The following UPF2 variants were observed in gnomAD, a reference collection of about 807,000 sequenced individuals.
UPF2 encodes regulator of nonsense transcripts 2.
A neutral mutation model predicts 141.4 loss-of-function variants in UPF2; 17 were observed. The observed-to-expected ratio is 0.12, with a 90% CI of 0.08 to 0.18. The LOEUF (loss-of-function observed/expected upper bound fraction) is 0.18. UPF2 is among the 10% of genes least tolerant of loss of function. The pLI is 1.00. For missense variants in UPF2, 1,152 were observed against 1,515.9 expected (o/e 0.76, Z 3.99); for synonymous variants, 540 against 498.0 (o/e 1.08, Z -1.12).
At chr10:11,941,475 T>TA (rs1832935334) in intron 18 of UPF2, among the ~76,000 whole-genome samples, 2 of 152,132 alleles carry the variant, frequency 1.3e-5, no homozygotes, top group Non-Finnish European at 2.9e-5. Context: ...CCTTTGGCTG[T>TA]AGCAGCATCA....
rs538446304 is a variant in UPF2, at chr10:11,936,273, G to A, written c.3546+272C>T. 6.6e-6 allele frequency among the ~76,000 whole-genome samples: 1 copy of A among 152,178 alleles called. No individual in the cohort carries two copies. Among genetic ancestry groups the A allele is most frequent in the East Asian group, 1.9e-4 (1 of 5,172 alleles). On this transcript the variant is annotated intron_variant, in intron 19 of 21. Coordinates refer to ENST00000357604, the MANE Select transcript of UPF2 (RefSeq NM_015542.4). The surrounding 1 kb of genome is among the most constrained non-coding windows in gnomAD (Gnocchi z 6.6). ...TAATCCCAGCTACTCAGGAGGCTGA[G>A]GCAGAAGAATCGTTTGAACCTGGGA... is the stretch of plus-strand genomic sequence containing the variant.
rs188458537 is a variant in UPF2, at chr10:11,985,862, C to T, written c.1845-6697G>A. On this transcript the variant is annotated intron_variant, in intron 8 of 21. Coordinates refer to ENST00000357604, the MANE Select transcript of UPF2 (RefSeq NM_015542.4). ...ATCTAATTTGAGTGTTGAAAAGCAA[C>T]TGAAAAATAATTAGATCCTTCCTTT... 6.2e-3 allele frequency among the ~76,000 whole-genome samples: 858 copies of T among 139,226 alleles called. 4 individuals carry two copies. Among genetic ancestry groups the T allele is most frequent in the Non-Finnish European group, 8.7e-3 (574 of 65,932 alleles). 91.3% of individuals were successfully genotyped at this position (139,226 alleles called of 152,430 possible).
intron 18 of UPF2, among the ~76,000 whole-genome samples, chr10:11,938,630 A>G (rs1028235481): frequency 1.3e-5 from 2 of 149,536 alleles, no homozygotes; most frequent in Non-Finnish European, 3.0e-5. Context: ...TTTTGCCATT[A>G]CCTTTCACAC....
intron 8 of UPF2, among the ~76,000 whole-genome samples, chr10:11,996,715 C>T (rs1833870218): frequency 6.6e-6 from 1 of 152,116 alleles, no homozygotes; most frequent in South Asian, 2.1e-4. Flanking sequence ...TCTTAATTAC[C>T]TACTCACTAC....
chr10:11,922,926 T>C (rs376039292), intron 21 of UPF2, among the ~76,000 whole-genome samples: 1 of 152,050 alleles, frequency 6.6e-6, no homozygotes, highest in East Asian at 1.9e-4. Context: ...TAGTCCCAGA[T>C]ACTGAGAGGC....
In UPF2 at chr10:11,988,332, T is replaced by G. The variant is rs191179851; in HGVS notation, c.1845-9167A>C. On this transcript the variant is annotated intron_variant, in intron 8 of 21. Coordinates refer to ENST00000357604, the MANE Select transcript of UPF2 (RefSeq NM_015542.4). ...ATTTTTGTAATTTTTGTAATTTTCTTAGAGACAGAGTCTCACTGTCACCCA... is the reference window on the plus strand; with the variant it reads ...ATTTTTGTAATTTTTGTAATTTTCTGAGAGACAGAGTCTCACTGTCACCCA... Among the ~76,000 whole-genome samples the G allele has an allele frequency of 2.8e-3, 431 of 152,346 alleles. 3 individuals are homozygous for G. Among genetic ancestry groups the G allele is most frequent in the Non-Finnish European group, 4.7e-3 (323 of 68,030 alleles).
rs969888604 is a variant in UPF2, at chr10:11,959,965, G to T, written c.2185-609C>A. ...AAGGTAACTTCTTTCATAACTTTGTGTCTAGGGTTGCTCAGTATCAGCTCA... is the reference window on the plus strand; with the variant it reads ...AAGGTAACTTCTTTCATAACTTTGTTTCTAGGGTTGCTCAGTATCAGCTCA... On this transcript the variant is annotated intron_variant, in intron 11 of 21. Coordinates refer to ENST00000357604, the MANE Select transcript of UPF2 (RefSeq NM_015542.4). This position sits in a 1 kb window ranked among gnomAD's most constrained non-coding sequence, Gnocchi z 5.9. 6.6e-6 allele frequency among the ~76,000 whole-genome samples: 1 copy of T among 152,186 alleles called. No homozygotes were observed. Among genetic ancestry groups the T allele is most frequent in the Non-Finnish European group, 1.5e-5 (1 of 68,030 alleles).
At chr10:11,955,070 A>G (rs1404533134) in intron 14 of UPF2, among the ~76,000 whole-genome samples, 162 bp downstream of exon 14, 1 of 152,090 alleles carries the variant, frequency 6.6e-6, no homozygotes. Flanking sequence ...AATCCATCAT[A>G]TATCTTTAAA....
At chr10:12,000,069 T>A in intron 6 of UPF2, 60 bp from the exon 7 acceptor site, 4 of 1,372,110 alleles carry the variant, frequency 2.9e-6, no homozygotes, top group Non-Finnish European at 4.0e-6. Context: ...AATAAAAACA[T>A]CCAATGATGA....
At chr10:12,000,261 A>G (rs1320521269) in intron 6 of UPF2, among the ~76,000 whole-genome samples, 1 of 152,224 alleles carries the variant, frequency 6.6e-6, no homozygotes, top group South Asian at 2.1e-4. Context: ...ACTTGGTCAG[A>G]AAAAGCATGC....
chr10:11,945,176 T>C (rs941248550), intron 16 of UPF2, among the ~76,000 whole-genome samples: 4 of 152,238 alleles, frequency 2.6e-5, no homozygotes, highest in Admixed American at 2.6e-4. Context: ...TAAACAGTTA[T>C]CTTTAACTTA....
chr10:12,000,491 G>C (rs756827504), intron 6 of UPF2, among the ~76,000 whole-genome samples: 1 of 152,170 alleles, frequency 6.6e-6, no homozygotes. Context: ...TTCTAATAAA[G>C]AATCTTGGCC....
intron 6 of UPF2, among the ~76,000 whole-genome samples, chr10:12,001,080 C>A (rs537716845): frequency 6.6e-6 from 1 of 152,094 alleles, no homozygotes; most frequent in East Asian, 1.9e-4. Flanking sequence ...GTGTAAGTAT[C>A]TTTATTCTAT....
chr10:12,007,660 C>G (rs1293792395), intron 4 of UPF2, among the ~76,000 whole-genome samples: 1 of 151,810 alleles, frequency 6.6e-6, no homozygotes, highest in Non-Finnish European at 1.5e-5. Context: ...GAAACCCCGT[C>G]TCTACTAAAA....
chr10:11,974,318 T>G (rs1022387968), intron 9 of UPF2, among the ~76,000 whole-genome samples: 6 of 152,198 alleles, frequency 3.9e-5, no homozygotes, highest in African/African-American at 1.4e-4. Flanking sequence ...TCATGTCATC[T>G]GCAAACAGGG....
At position 11,939,932 on chromosome 10, in the gene UPF2, C is replaced by T. The variant is rs1832916584; in HGVS notation, c.3378+2733G>A. On this transcript the variant is annotated intron_variant, in intron 18 of 21. Coordinates refer to ENST00000357604, the MANE Select transcript of UPF2 (RefSeq NM_015542.4). The surrounding 1 kb of genome is among the most constrained non-coding windows in gnomAD (Gnocchi z 4.8). Reference sequence around the variant, plus strand: ...TTAAATTCATTCTGCATTGATCTCCCTGCTCTTCTCTTTCCCTTGGAAAAA... The same window carrying T: ...TTAAATTCATTCTGCATTGATCTCCTTGCTCTTCTCTTTCCCTTGGAAAAA... Among the ~76,000 whole-genome samples the T allele has an allele frequency of 6.6e-6, 1 of 152,150 alleles. No individual in the cohort carries two copies. Among genetic ancestry groups the T allele is most frequent in the South Asian group, 2.1e-4 (1 of 4,828 alleles).
intron 8 of UPF2, among the ~76,000 whole-genome samples, chr10:11,985,513 T>C (rs991731570): frequency 6.6e-6 from 1 of 151,266 alleles, no homozygotes; most frequent in East Asian, 2.0e-4. Context: ...GGAGGGCGCC[T>C]GTAGTCCCAG....
chr10:11,923,689 AT>A (rs1161107093), intron 21 of UPF2, among the ~76,000 whole-genome samples: 8 of 138,142 alleles, frequency 5.8e-5, no homozygotes, highest in Admixed American at 5.0e-4. Flanking sequence ...AAAAAAAAAA[AT>A]TAGCTGGGCG....
rs921784996 is a variant in UPF2 at position 11,992,873 on chromosome 10, C to T, written c.1844+4799G>A. On this transcript the variant is annotated intron_variant, in intron 8 of 21. Coordinates refer to ENST00000357604, the MANE Select transcript of UPF2 (RefSeq NM_015542.4). The surrounding 1 kb of genome is among the most constrained non-coding windows in gnomAD (Gnocchi z 4.1). Reference sequence around the variant, plus strand: ...AAATAAAAAGAAAGCAGCAGTCAGGCGCAGGTGGCTCACACTTGTAATCCC... The same window carrying T: ...AAATAAAAAGAAAGCAGCAGTCAGGTGCAGGTGGCTCACACTTGTAATCCC... 6.6e-6 allele frequency among the ~76,000 whole-genome samples: 1 copy of T among 152,054 alleles called. No individual in the cohort carries two copies. Among genetic ancestry groups the T allele is most frequent in the Admixed American group, 6.6e-5 (1 of 15,254 alleles).
Sources: gnomAD v4.1 joint callset for allele counts (sites outside exome capture counted in the v4.1 genomes callset) on GRCh38, gnomAD v4.1.1 for gene constraint, Gnocchi (gnomAD v3.1) non-coding constraint, MANE v1.5 for transcripts, NCBI Gene and HGNC (gene_info 2026-07-23, HGNC 2026-07-21) for gene names.